The following SPOCK1 variants were observed in gnomAD, a reference collection of about 807,000 sequenced individuals.
SPOCK1 encodes the protein SPARC (osteonectin), cwcv and kazal like domains proteoglycan 1, also known as testican-1.
Under a neutral mutation model 55.3 loss-of-function variants are expected in SPOCK1, and 23 were observed. The observed-to-expected ratio is 0.42, with a 90% CI of 0.30 to 0.59. The LOEUF (loss-of-function observed/expected upper bound fraction) is 0.59, where lower values mean the gene tolerates loss of function less well. SPOCK1 is among the 20% of genes least tolerant of loss of function. The pLI is 0.22. For missense variants in SPOCK1, 499 were observed against 552.5 expected (o/e 0.90, Z 0.97); for synonymous variants, 226 against 221.0 (o/e 1.02, Z -0.20).
At chr5:137,117,949 T>C (rs983952688) in intron 4 of SPOCK1, among the ~76,000 whole-genome samples, 4 of 152,226 alleles carry the variant, frequency 2.6e-5, no homozygotes, top group African/African-American at 9.6e-5. Flanking sequence ...TGTTTTTCTA[T>C]ATTTATCACA....
intron 6 of SPOCK1, among the ~76,000 whole-genome samples, chr5:137,003,421 G>T (rs1460092165): frequency 6.6e-6 from 1 of 152,086 alleles, no homozygotes; most frequent in East Asian, 1.9e-4. Context: ...ATCATAAGTT[G>T]TATAAATATG....
At chr5:137,214,530 T>C (rs924211102) in intron 3 of SPOCK1, among the ~76,000 whole-genome samples, 1 of 134,944 alleles carries the variant, frequency 7.4e-6, no homozygotes, top group Non-Finnish European at 1.7e-5. Context: ...TTGTGGCACA[T>C]TGCAATCACT....
At chr5:137,133,878 C>T (rs564582918) in intron 4 of SPOCK1, among the ~76,000 whole-genome samples, 3 of 146,916 alleles carry the variant, frequency 2.0e-5, no homozygotes, top group Non-Finnish European at 4.5e-5. Flanking sequence ...AGTTGCTTTG[C>T]GAGGGGCAAG....
rs537254050 is a variant in SPOCK1, at chr5:137,484,324, G to A, written c.186+14049C>T. ...CCCTGCAAAGCATTCCCAAGGCCAG[G>A]CACTAGCATGAGGAAGGGCAGCAGC... On this transcript the variant is annotated intron_variant, in intron 2 of 10. Coordinates refer to ENST00000394945, the MANE Select transcript of SPOCK1 (RefSeq NM_004598.4). 4.6e-5 allele frequency among the ~76,000 whole-genome samples: 7 copies of A among 152,328 alleles called. No homozygotes were observed. In the South Asian group the frequency reaches 1.4e-3, roughly 32 times the overall value.
In SPOCK1 at chr5:137,300,785, A is replaced by G. The variant is rs563484243; in HGVS notation, c.187-33730T>C. Among the ~76,000 whole-genome samples the G allele has an allele frequency of 2.6e-5, 4 of 152,068 alleles. No individual in the cohort carries two copies. In the East Asian group the frequency reaches 7.7e-4, roughly 29 times the overall value. ...TAGCAGTTCTTAACTGCCTCCTCCA[A>G]TTCTGAAACCCAGTTGTAACACAGC... On this transcript the variant is annotated intron_variant, in intron 2 of 10. Transcript: ENST00000394945.
intron 4 of SPOCK1, among the ~76,000 whole-genome samples, chr5:137,124,029 G>C (rs1467924569): frequency 6.6e-6 from 1 of 151,950 alleles, no homozygotes; most frequent in Admixed American, 6.5e-5. Flanking sequence ...TCTGAGAACC[G>C]CTCTGATGCA....
intron 2 of SPOCK1, among the ~76,000 whole-genome samples, chr5:137,478,139 T>C (rs1352967209): frequency 6.6e-6 from 1 of 152,142 alleles, no homozygotes; most frequent in African/African-American, 2.4e-5. Flanking sequence ...GTGTAAGGCT[T>C]GGATAGAAGT....
intron 2 of SPOCK1, among the ~76,000 whole-genome samples, chr5:137,320,423 C>T (rs894071574): frequency 6.6e-6 from 1 of 152,202 alleles, no homozygotes. Context: ...CATGGCTTCT[C>T]CACTGGGAGG....
chr5:137,082,856 A>C (rs1752898335), intron 5 of SPOCK1, among the ~76,000 whole-genome samples: 2 of 152,176 alleles, frequency 1.3e-5, no homozygotes, highest in Non-Finnish European at 2.9e-5. Context: ...AGAAAGTTCA[A>C]ACTAGTCTCC....
chr5:137,324,875 C>G (rs1452330029), intron 2 of SPOCK1, among the ~76,000 whole-genome samples: 1 of 151,630 alleles, frequency 6.6e-6, no homozygotes, highest in African/African-American at 2.4e-5. Context: ...CAGGTTTCCC[C>G]ACCCCAAAAT....
intron 6 of SPOCK1, among the ~76,000 whole-genome samples, chr5:137,018,887 AGTT>A (rs1362339044): frequency 6.6e-6 from 1 of 152,218 alleles, no homozygotes; most frequent in Admixed American, 6.5e-5. Flanking sequence ...ATATATAAAA[AGTT>A]CTTTCAAATC....
intron 10 of SPOCK1, 91 bp downstream of exon 10, chr5:136,979,241 C>A: frequency 6.5e-7 from 1 of 1,547,294 alleles, no homozygotes; most frequent in Admixed American, 1.8e-5. Context: ...CTGGAGTTAC[C>A]TCTCAACATT....
rs962517038 is a variant in SPOCK1, at chr5:136,992,352, T to C, written c.706+132A>G. On this transcript the variant is annotated intron_variant, in intron 7 of 10. Transcript: ENST00000394945. ...AAACATTTTTTAATCCAACTTTTTTTTGAGATTGGGACATATTTAAAGTCA... is the reference window on the plus strand; with the variant it reads ...AAACATTTTTTAATCCAACTTTTTTCTGAGATTGGGACATATTTAAAGTCA... 1.5e-5 allele frequency: 11 copies of C among 736,384 alleles called. No homozygotes were observed. The African/African-American group carries it at 2.0e-4, about 13-fold the overall frequency. 45.6% of individuals were successfully genotyped at this position (736,384 alleles called of 1,614,324 possible). A position where few individuals can be genotyped will look rare whatever the true frequency, so the allele number is the denominator to read the frequency against.
chr5:137,108,640 G>A (rs560654521), intron 5 of SPOCK1, among the ~76,000 whole-genome samples: 22 of 152,322 alleles, frequency 1.4e-4, no homozygotes, highest in Non-Finnish European at 2.6e-4. Context: ...CCTTTGGTAA[G>A]ATGGCTTTAG....
chr5:137,026,430 G>C (rs1031529531), intron 6 of SPOCK1, among the ~76,000 whole-genome samples: 1 of 152,170 alleles, frequency 6.6e-6, no homozygotes, highest in African/African-American at 2.4e-5. Flanking sequence ...TTAAAAGACT[G>C]ACCTCCCCTG....
chr5:137,129,933 T>G (rs969021949), intron 4 of SPOCK1, among the ~76,000 whole-genome samples: 5 of 152,362 alleles, frequency 3.3e-5, no homozygotes, highest in Middle Eastern at 3.4e-3. Flanking sequence ...AAGGTGGTTT[T>G]GGTCCCTGAG....
At chr5:137,490,863 C>T (rs1561549524) in intron 2 of SPOCK1, among the ~76,000 whole-genome samples, 1 of 152,136 alleles carries the variant, frequency 6.6e-6, no homozygotes, top group Non-Finnish European at 1.5e-5. Flanking sequence ...CTCACACAGC[C>T]TTCCAGACTG....
intron 2 of SPOCK1, among the ~76,000 whole-genome samples, chr5:137,294,763 C>G (rs1307908109): frequency 6.6e-6 from 1 of 152,240 alleles, no homozygotes; most frequent in Non-Finnish European, 1.5e-5. Context: ...TCACTCTGAT[C>G]TGCTGCTGCA....
chr5:137,408,631 C>T (rs148267998), intron 2 of SPOCK1, among the ~76,000 whole-genome samples: 1 of 152,326 alleles, frequency 6.6e-6, no homozygotes, highest in Non-Finnish European at 1.5e-5. Context: ...GTGAAAGGAA[C>T]ATGTTTACCC....
Sources: gnomAD v4.1 joint callset for allele counts (sites outside exome capture counted in the v4.1 genomes callset) on GRCh38, gnomAD v4.1.1 for gene constraint, MANE v1.5 for transcripts, NCBI Gene and HGNC (gene_info 2026-07-23, HGNC 2026-07-21) for gene names.